Variants in PDE4B observed in about 807,000 individuals in gnomAD.
PDE4B encodes the protein 3',5'-cyclic-AMP phosphodiesterase 4B.
Under a neutral mutation model 82.2 loss-of-function variants are expected in PDE4B, and 20 were observed. The observed-to-expected ratio is 0.24, with a 90% CI of 0.17 to 0.35. The LOEUF is 0.35. Ranked by LOEUF, PDE4B falls within the 10% of genes least tolerant of loss-of-function variation. The probability of loss-of-function intolerance (pLI) is 1.00; values close to 1 mark genes in which losing one functional copy is unlikely to be tolerated. For synonymous variants in PDE4B, 320 were observed against 318.9 expected (o/e 1.00, Z -0.04); for missense variants, 655 against 907.2 (o/e 0.72, Z 3.57).
chr1:66,203,863 C>G (rs1314855710), intron 3 of PDE4B, among the ~76,000 whole-genome samples: 1 of 152,204 alleles, frequency 6.6e-6, no homozygotes, highest in South Asian at 2.1e-4. Flanking sequence ...AGTCATTCTC[C>G]GTCCAGCTTT....
At chr1:65,921,374 G>A (rs988322128) in intron 3 of PDE4B, among the ~76,000 whole-genome samples, 1 of 152,106 alleles carries the variant, frequency 6.6e-6, no homozygotes, top group Non-Finnish European at 1.5e-5. Flanking sequence ...AAAATGATTT[G>A]ACTAGAAGTG....
Position 66,106,675 on chromosome 1 carries a change from A to G in PDE4B, c.282-140785A>G, listed in dbSNP as rs193042276. 1.2e-4 allele frequency among the ~76,000 whole-genome samples: 19 copies of G among 152,148 alleles called. No individual in the cohort carries two copies. In the East Asian group the frequency reaches 3.5e-3, roughly 28 times the overall value. On this transcript the variant is annotated intron_variant, in intron 3 of 16. Coordinates refer to ENST00000341517, the MANE Select transcript of PDE4B (RefSeq NM_002600.4). The stretch of plus-strand genomic sequence containing the variant: ...TCCTGGTTTGGTCTTGGGAGGGCGT[A>G]TGTGTTGAGAAATTTATCCATTTCT...
chr1:65,867,675 G>A (rs566440043), intron 1 of PDE4B, among the ~76,000 whole-genome samples: 152 of 152,296 alleles, frequency 1.0e-3, no homozygotes, highest in African/African-American at 3.5e-3. Flanking sequence ...TGCATGGGAA[G>A]CACTAGACTA....
intron 3 of PDE4B, among the ~76,000 whole-genome samples, chr1:66,237,989 A>G (rs1380510832): frequency 6.6e-6 from 1 of 152,194 alleles, no homozygotes; most frequent in East Asian, 1.9e-4. Context: ...AAATATAGCA[A>G]AAAGCTTTAA....
intron 3 of PDE4B, among the ~76,000 whole-genome samples, chr1:66,007,801 C>T (rs765091908): frequency 1.2e-4 from 19 of 152,058 alleles, no homozygotes; most frequent in Non-Finnish European, 2.6e-4. Flanking sequence ...TCATATATTT[C>T]TTATATCATT....
chr1:66,009,217 T>C (rs1423700235), intron 3 of PDE4B, among the ~76,000 whole-genome samples: 1 of 152,204 alleles, frequency 6.6e-6, no homozygotes, highest in African/African-American at 2.4e-5. Context: ...TTTTCTCTGA[T>C]ATTTCCCATT....
intron 3 of PDE4B, among the ~76,000 whole-genome samples, chr1:65,942,238 A>G (rs1196781836): frequency 6.6e-6 from 1 of 151,750 alleles, no homozygotes; most frequent in Non-Finnish European, 1.5e-5. Flanking sequence ...TTCTGAGTTC[A>G]ATTTTTTTAC....
chr1:66,214,629 TA>T (rs1236749235), intron 3 of PDE4B, among the ~76,000 whole-genome samples: 1 of 152,182 alleles, frequency 6.6e-6, no homozygotes, highest in East Asian at 1.9e-4. Flanking sequence ...TATTTATTTT[TA>T]TTTTTTTAAC....
At chr1:66,112,055 T>C (rs1459057123) in intron 3 of PDE4B, among the ~76,000 whole-genome samples, 3 of 152,096 alleles carry the variant, frequency 2.0e-5, no homozygotes, top group Non-Finnish European at 4.4e-5. Flanking sequence ...AAGAGCAATG[T>C]ATATAAAAAG....
intron 3 of PDE4B, among the ~76,000 whole-genome samples, chr1:66,158,487 C>T (rs542382859): frequency 6.6e-6 from 1 of 152,210 alleles, no homozygotes; most frequent in Admixed American, 6.5e-5. Context: ...AACTCATATA[C>T]TGTTGGTAAG....
intron 3 of PDE4B, among the ~76,000 whole-genome samples, chr1:66,020,509 C>T (rs980206893): frequency 1.3e-5 from 2 of 151,740 alleles, no homozygotes; most frequent in Non-Finnish European, 2.9e-5. Flanking sequence ...TGTTCCCCAA[C>T]CTGTGTCCAA....
chr1:66,120,083 G>C (rs1231731802), intron 3 of PDE4B, among the ~76,000 whole-genome samples: 1 of 152,150 alleles, frequency 6.6e-6, no homozygotes, highest in South Asian at 2.1e-4. Flanking sequence ...TACTCAGTTT[G>C]TAGTACTTTT....
At chr1:65,999,650 A>G (rs1651753718) in intron 3 of PDE4B, among the ~76,000 whole-genome samples, 1 of 152,178 alleles carries the variant, frequency 6.6e-6, no homozygotes, top group Non-Finnish European at 1.5e-5. Context: ...ACCTGAAAAT[A>G]CATTATAGAC....
rs986764287 is a variant in PDE4B, at chr1:66,352,449, T to C, written c.748-3078T>C. On this transcript the variant is annotated intron_variant, in intron 8 of 16. Transcript: ENST00000341517. The stretch of plus-strand genomic sequence containing the variant: ...CTCCCTGATTCCATATTGAAAGTGA[T>C]TGACAATGTATCCCAACAGGGTCCT... Among the ~76,000 whole-genome samples the C allele has an allele frequency of 6.6e-5, 10 of 152,300 alleles. 3 individuals carry two copies. The highest frequency in any genetic ancestry group is 1.3e-4 in the Admixed American group (2 of 15,288).
At chr1:66,209,533 A>C (rs986846491) in intron 3 of PDE4B, among the ~76,000 whole-genome samples, 1 of 152,222 alleles carries the variant, frequency 6.6e-6, no homozygotes, top group African/African-American at 2.4e-5. Context: ...AACTCTGTTG[A>C]GGTATAATTT....
chr1:65,856,267 G>C (rs1169073947), intron 1 of PDE4B, among the ~76,000 whole-genome samples: 1 of 152,062 alleles, frequency 6.6e-6, no homozygotes, highest in African/African-American at 2.4e-5. Flanking sequence ...GTATACATGT[G>C]CCATGGTGGT....
intron 3 of PDE4B, among the ~76,000 whole-genome samples, chr1:66,020,362 C>T (rs959733468): frequency 2.6e-5 from 4 of 152,042 alleles, no homozygotes; most frequent in Admixed American, 6.6e-5. Context: ...ATGTGCACAA[C>T]GTGCAGGTTT....
rs745552525 is a variant in PDE4B, at chr1:66,247,475, T to C, written c.297T>C (p.Asn99=). 1.3e-6 allele frequency: 2 copies of C among 1,575,516 alleles called. No homozygotes were observed. Among genetic ancestry groups the C allele is most frequent in the Non-Finnish European group, 1.7e-6 (2 of 1,163,214 alleles). ...TVSQECFDVE[N]GPSPGRSPLD... ...TCTCTTTAAGCTTTGATGTGGAAAA[T>C]GGCCCTTCCCCAGGTCGGAGTCCAC... The change falls in exon 4 of 17, where the codon AAT becomes AAC. Residue 99 remains asparagine, a synonymous_variant. Coordinates refer to ENST00000341517, the MANE Select transcript of PDE4B (RefSeq NM_002600.4).
chr1:65,925,972 G>T (rs1292531841), intron 3 of PDE4B, among the ~76,000 whole-genome samples: 1 of 152,134 alleles, frequency 6.6e-6, no homozygotes, highest in Non-Finnish European at 1.5e-5. Flanking sequence ...ATGTAGAGTA[G>T]GGGTGTGTTT....
Sources: gnomAD v4.1 joint callset for allele counts (sites outside exome capture counted in the v4.1 genomes callset) on GRCh38, gnomAD v4.1.1 for gene constraint, MANE v1.5 for transcripts, NCBI Gene and HGNC (gene_info 2026-07-23, HGNC 2026-07-21) for gene names.